Variants in NME7 observed in about 807,000 individuals in gnomAD.
NME7 encodes NME/NM23 family member 7.
NME7 carries 41 observed loss-of-function variants against 49.1 expected under a neutral mutation model. The ratio of observed to expected loss-of-function variants is 0.83; its 90% CI spans 0.65 to 1.08. NME7 has a LOEUF of 1.08. NME7 is among the 50% of genes least tolerant of loss of function. NME7 has a pLI of 0.00. For synonymous variants in NME7, 139 were observed against 150.6 expected (o/e 0.92, Z 0.56); for missense variants, 423 against 463.4 (o/e 0.91, Z 0.80).
chr1:169,339,649 G>GA (rs1652610214), intron 1 of NME7, among the ~76,000 whole-genome samples: 1 of 152,168 alleles, frequency 6.6e-6, no homozygotes, highest in African/African-American at 2.4e-5. Context: ...TACTTGGTCT[G>GA]AAAGTGGATG....
intron 10 of NME7, among the ~76,000 whole-genome samples, chr1:169,228,404 A>G (rs950585226): frequency 1.3e-5 from 2 of 152,108 alleles, no homozygotes. Context: ...CAGGCCGGGC[A>G]CGGTGGCTCA....
At chr1:169,353,293 G>A (rs1236832244) in intron 1 of NME7, among the ~76,000 whole-genome samples, 2 of 152,036 alleles carry the variant, frequency 1.3e-5, no homozygotes, top group Non-Finnish European at 2.9e-5. Flanking sequence ...ATATATTGGA[G>A]AAGACAGCCT....
chr1:169,213,763 C>G (rs1660895812), intron 10 of NME7, among the ~76,000 whole-genome samples: 1 of 151,614 alleles, frequency 6.6e-6, no homozygotes, highest in African/African-American at 2.4e-5. Context: ...CCTGGTCAGA[C>G]AGCAGTTGAG....
chr1:169,294,108 C>T (rs545910923), intron 6 of NME7, among the ~76,000 whole-genome samples: 7 of 152,122 alleles, frequency 4.6e-5, no homozygotes, highest in Admixed American at 4.6e-4. Context: ...AAGATAACAT[C>T]CATTCATTAA....
intron 10 of NME7, among the ~76,000 whole-genome samples, chr1:169,229,635 A>G (rs1486448575): frequency 6.6e-6 from 1 of 152,176 alleles, no homozygotes; most frequent in African/African-American, 2.4e-5. Context: ...TTCTTAATAG[A>G]TGCTGTGGAT....
At chr1:169,325,080 G>C (rs923311540) in intron 1 of NME7, among the ~76,000 whole-genome samples, 5 of 151,992 alleles carry the variant, frequency 3.3e-5, no homozygotes, top group Admixed American at 3.3e-4. Flanking sequence ...GAACATACAA[G>C]AATTTCATTA....
In NME7 at chr1:169,215,685, G is replaced by A. The variant is rs1023279278; in HGVS notation, c.990+15033C>T. ...CACCTGGGAAGCCAGAAAACAGTTA[G>A]TTTTAAAGGTAGGCTAAGGCAGATG... On this transcript the variant is annotated intron_variant, in intron 10 of 11. Transcript: ENST00000367811. Among the ~76,000 whole-genome samples the A allele has an allele frequency of 2.0e-5, 3 of 152,182 alleles. No individual in the cohort carries two copies. In the East Asian group the frequency reaches 5.8e-4, roughly 29 times the overall value.
intron 10 of NME7, among the ~76,000 whole-genome samples, chr1:169,188,363 C>A (rs1460043863): frequency 6.6e-6 from 1 of 152,194 alleles, no homozygotes; most frequent in African/African-American, 2.4e-5. Flanking sequence ...CAGGCTAAAG[C>A]TGTACAATCA....
At chr1:169,282,925 G>T (rs1216260895) in intron 7 of NME7, among the ~76,000 whole-genome samples, 2 of 152,160 alleles carry the variant, frequency 1.3e-5, no homozygotes, top group Non-Finnish European at 2.9e-5. Context: ...ATATTCTGTT[G>T]ATTTGAGGTG....
rs201432827 is a variant in NME7 at position 169,169,509 on chromosome 1, C to T, written c.1036G>A (p.Gly346Ser). The T allele has an allele frequency of 6.2e-7, 1 of 1,614,016 alleles. No individual in the cohort carries two copies. Among genetic ancestry groups the T allele is most frequent in the Admixed American group, 1.7e-5 (1 of 60,014 alleles). ...ACAGCATTCTGGATCTTAGTTTTAC[C>T]AAAGATTGCTCTGAGAGTTCCAGGG... ...LRPGTLRAIF[G>S]KTKIQNAVHC... Residue 346 changes from glycine to serine, a missense_variant, in exon 11 of 12, where the codon GGT becomes AGT. Coordinates refer to ENST00000367811, the MANE Select transcript of NME7 (RefSeq NM_013330.5).
intron 1 of NME7, among the ~76,000 whole-genome samples, chr1:169,354,550 A>C (rs1331208658): frequency 6.6e-6 from 1 of 151,502 alleles, no homozygotes. Context: ...TAACACAAAG[A>C]ATAAATACTT....
chr1:169,218,687 A>G (rs1480824220), intron 10 of NME7, among the ~76,000 whole-genome samples: 1 of 131,398 alleles, frequency 7.6e-6, no homozygotes, highest in African/African-American at 3.1e-5. Flanking sequence ...TTTTTTTAGT[A>G]ATATAGCCCA....
chr1:169,172,319 C>T (rs543044074), intron 10 of NME7, among the ~76,000 whole-genome samples: 71 of 135,712 alleles, frequency 5.2e-4, no homozygotes, highest in African/African-American at 2.1e-3. Context: ...AAAACAAAAA[C>T]ATACGTGTGT....
At chr1:169,224,511 T>C (rs1362761472) in intron 10 of NME7, among the ~76,000 whole-genome samples, 4 of 152,144 alleles carry the variant, frequency 2.6e-5, no homozygotes, top group Admixed American at 2.6e-4. Flanking sequence ...TGTATATATA[T>C]GAATATATAC....
At chr1:169,215,252 T>A (rs1660944252) in intron 10 of NME7, among the ~76,000 whole-genome samples, 1 of 152,166 alleles carries the variant, frequency 6.6e-6, no homozygotes, top group Admixed American at 6.5e-5. Flanking sequence ...CTCTTCTAGA[T>A]ATCCAGCTGC....
At chr1:169,351,831 C>A (rs1364863083) in intron 1 of NME7, among the ~76,000 whole-genome samples, 1 of 151,706 alleles carries the variant, frequency 6.6e-6, no homozygotes, top group Non-Finnish European at 1.5e-5. Context: ...TGTAAAAAAT[C>A]AAAAACTTCC....
intron 6 of NME7, among the ~76,000 whole-genome samples, chr1:169,291,515 T>C (rs952784217): frequency 1.3e-5 from 2 of 151,898 alleles, no homozygotes; most frequent in South Asian, 2.1e-4. Context: ...GGTGGGGGGC[T>C]AGGGGAAGGA....
rs576781415 is a variant in NME7, at chr1:169,258,827, C to T, written c.755-21140G>A. 2.7e-4 allele frequency among the ~76,000 whole-genome samples: 36 copies of T among 133,206 alleles called. 10 individuals are homozygous for T. Among genetic ancestry groups the T allele is most frequent in the South Asian group, 1.2e-3 (5 of 4,338 alleles). 87.4% of individuals were successfully genotyped at this position (133,206 alleles called of 152,430 possible). A position where few individuals can be genotyped will look rare whatever the true frequency, so the allele number is the denominator to read the frequency against. ...ATCTGGTGATTCTCAAAGTGTGGTC[C>T]ATGCAAAAATATCTTTAGCATGACC... On this transcript the variant is annotated intron_variant, in intron 7 of 11. Coordinates refer to ENST00000367811, the MANE Select transcript of NME7 (RefSeq NM_013330.5).
intron 10 of NME7, among the ~76,000 whole-genome samples, chr1:169,199,919 A>G (rs991764694): frequency 2.0e-5 from 3 of 152,144 alleles, no homozygotes; most frequent in African/African-American, 7.2e-5. Context: ...AATAAAGGAA[A>G]TTCAATGATG....
Sources: gnomAD v4.1 joint callset for allele counts (sites outside exome capture counted in the v4.1 genomes callset) on GRCh38, gnomAD v4.1.1 for gene constraint, MANE v1.5 for transcripts, NCBI Gene and HGNC (gene_info 2026-07-23, HGNC 2026-07-21) for gene names.